Variants in THSD4 observed in about 807,000 individuals in gnomAD.
THSD4 encodes thrombospondin type-1 domain-containing protein 4.
In THSD4, 69 loss-of-function variants were observed where a neutral mutation model predicts 119.0. That is an observed-to-expected ratio of 0.58 (90% confidence interval 0.48 to 0.71). The LOEUF (loss-of-function observed/expected upper bound fraction) is 0.71. Ranked by LOEUF, THSD4 falls within the 30% of genes least tolerant of loss-of-function variation. The probability of loss-of-function intolerance (pLI) is 0.00; values close to 1 mark genes in which losing one functional copy is unlikely to be tolerated. For synonymous variants in THSD4, 524 were observed against 540.4 expected (o/e 0.97, Z 0.42); for missense variants, 1,393 against 1,391.1 (o/e 1.00, Z -0.02).
chr15:71,494,400 C>G (rs11858393), intron 7 of THSD4, among the ~76,000 whole-genome samples: 6,397 of 152,256 alleles, frequency 0.042, 181 homozygotes, highest in Non-Finnish European at 0.066. Context: ...TTGTCAGCCT[C>G]TGTGTCTCAA....
chr15:71,549,422 T>C (rs908211729), intron 7 of THSD4, among the ~76,000 whole-genome samples: 4 of 152,174 alleles, frequency 2.6e-5, no homozygotes, highest in Non-Finnish European at 5.9e-5. Flanking sequence ...CCTGAGCTCC[T>C]AGGAAATTAT....
At chr15:71,443,245 C>T (rs1208753151) in intron 7 of THSD4, among the ~76,000 whole-genome samples, 3 of 152,082 alleles carry the variant, frequency 2.0e-5, no homozygotes, top group Non-Finnish European at 4.4e-5. Context: ...TTTTTACATT[C>T]AAAGCATTCC....
chr15:71,262,139 T>C (rs547825770), intron 6 of THSD4, among the ~76,000 whole-genome samples: 6 of 152,276 alleles, frequency 3.9e-5, no homozygotes, highest in East Asian at 1.9e-4. Context: ...CAATGCCACA[T>C]AGAATAGTAA....
chr15:71,718,791 G>A (rs2052660258), intron 8 of THSD4, among the ~76,000 whole-genome samples: 1 of 151,948 alleles, frequency 6.6e-6, no homozygotes, highest in African/African-American at 2.4e-5. Flanking sequence ...TCTGTCCGGT[G>A]ACCCACTCCT....
intron 3 of THSD4, among the ~76,000 whole-genome samples, chr15:71,180,077 G>T (rs1174052838): frequency 1.4e-4 from 19 of 132,732 alleles, no homozygotes; most frequent in Non-Finnish European, 1.9e-4. Flanking sequence ...CACCAGCATG[G>T]CACATGTATA....
At chr15:71,222,040 C>T (rs2043979376) in intron 4 of THSD4, among the ~76,000 whole-genome samples, 3 of 151,782 alleles carry the variant, frequency 2.0e-5, no homozygotes, top group Admixed American at 2.0e-4. Flanking sequence ...GTTTATGTAT[C>T]TTCTTTGGAA....
rs564372768 is a variant in THSD4 at position 71,266,984 on chromosome 15, T to C, written c.1015+10269T>C. The stretch of plus-strand genomic sequence containing the variant: ...TATATGAAAAGACCAAACCTATGTT[T>C]GATTGGTGTACCTGAAAGTGACGGG... On this transcript the variant is annotated intron_variant, in intron 6 of 17. Coordinates refer to ENST00000261862, the MANE Select transcript of THSD4 (RefSeq NM_024817.3). 3.1e-4 allele frequency among the ~76,000 whole-genome samples: 47 copies of C among 152,262 alleles called. 1 individual carries two copies. The South Asian group carries it at 6.0e-3, about 19-fold the overall frequency.
chr15:71,736,686 TTC>T (rs1017366020), intron 10 of THSD4, among the ~76,000 whole-genome samples: 2 of 151,932 alleles, frequency 1.3e-5, no homozygotes, highest in African/African-American at 2.4e-5. Flanking sequence ...CTCTCTCTCT[TTC>T]TCTCTCTCTC....
At chr15:71,286,502 C>G (rs1311303704) in intron 6 of THSD4, among the ~76,000 whole-genome samples, 1 of 152,212 alleles carries the variant, frequency 6.6e-6, no homozygotes, top group African/African-American at 2.4e-5. Flanking sequence ...TCTTTTTTGG[C>G]TGCATAGTAT....
At chr15:71,638,459 T>G (rs934045755) in intron 7 of THSD4, among the ~76,000 whole-genome samples, 4 of 152,242 alleles carry the variant, frequency 2.6e-5, no homozygotes, top group Non-Finnish European at 5.9e-5. Context: ...TTCTGAACCC[T>G]TGAACACTAA....
rs540912071 is a variant in THSD4 at position 71,490,970 on chromosome 15, G to A, written c.1152+79147G>A. On this transcript the variant is annotated intron_variant, in intron 7 of 17. Transcript: ENST00000261862. ...TATTACCTGGCCCCTTAATAGAAAGGGTTTCCAAACTCTGTTGTACTAACA... is the reference window on the plus strand; with the variant it reads ...TATTACCTGGCCCCTTAATAGAAAGAGTTTCCAAACTCTGTTGTACTAACA... Among the ~76,000 whole-genome samples, 3 of 152,168 alleles carry A rather than the reference G, an allele frequency of 2.0e-5. No individual in the cohort carries two copies. In the East Asian group the frequency reaches 5.8e-4, roughly 29 times the overall value.
rs538282667 is a variant in THSD4 at position 71,625,238 on chromosome 15, C to T, written c.1153-35292C>T. 2.0e-5 allele frequency among the ~76,000 whole-genome samples: 3 copies of T among 152,218 alleles called. No homozygotes were observed. The South Asian group carries it at 6.2e-4, about 32-fold the overall frequency. ...GGCCTGGCTAGTCTTGAACTCCTGA[C>T]CTCAGGTGATCCACCCGCCTTGGCC... On this transcript the variant is annotated intron_variant, in intron 7 of 17. Transcript: ENST00000261862.
chr15:71,193,609 G>A (rs540795391), intron 3 of THSD4, among the ~76,000 whole-genome samples: 44 of 152,170 alleles, frequency 2.9e-4, no homozygotes, highest in Non-Finnish European at 5.1e-4. Flanking sequence ...TAATTCCCAC[G>A]TGCTGTGGGA....
intron 6 of THSD4, among the ~76,000 whole-genome samples, chr15:71,391,313 G>A (rs569608909): frequency 4.2e-4 from 64 of 152,302 alleles, no homozygotes; most frequent in African/African-American, 1.5e-3. Context: ...ACAGGCGTGA[G>A]CCACCGCGCC....
chr15:71,215,463 C>G, intron 4 of THSD4, 64 bp downstream of exon 4: 1 of 1,418,792 alleles, frequency 7.0e-7, no homozygotes, highest in Non-Finnish European at 9.3e-7. Context: ...CCTGTCCCTG[C>G]CCCTGCCTCG....
At chr15:71,320,411 T>C (rs891548906) in intron 6 of THSD4, among the ~76,000 whole-genome samples, 11 of 152,214 alleles carry the variant, frequency 7.2e-5, no homozygotes, top group African/African-American at 2.7e-4. Context: ...CAGGTCCATT[T>C]TCCTTTTTTG....
intron 8 of THSD4, among the ~76,000 whole-genome samples, chr15:71,714,445 C>T (rs1375763472): frequency 6.6e-6 from 1 of 152,150 alleles, no homozygotes; most frequent in Non-Finnish European, 1.5e-5. Context: ...AATGGATAAG[C>T]TTTAGGAGTG....
chr15:71,503,028 A>G (rs567908821), intron 7 of THSD4, among the ~76,000 whole-genome samples: 1 of 151,372 alleles, frequency 6.6e-6, no homozygotes, highest in East Asian at 1.9e-4. Flanking sequence ...CAGCATACCA[A>G]TTCTGTGGGT....
At chr15:71,183,719 T>C (rs1199268489) in intron 3 of THSD4, among the ~76,000 whole-genome samples, 2 of 28,308 alleles carry the variant, frequency 7.1e-5, no homozygotes, top group Non-Finnish European at 4.0e-4. Context: ...CAAGGTACTT[T>C]CCTTCTATCT....
Sources: gnomAD v4.1 joint callset for allele counts (sites outside exome capture counted in the v4.1 genomes callset) on GRCh38, gnomAD v4.1.1 for gene constraint, MANE v1.5 for transcripts, NCBI Gene and HGNC (gene_info 2026-07-23, HGNC 2026-07-21) for gene names.